Variants in ENOX1 observed in about 807,000 individuals in gnomAD.
The protein encoded by ENOX1 is candidate growth-related and time keeping constitutive hydroquinone (NADH) oxidase.
A neutral mutation model predicts 82.5 loss-of-function variants in ENOX1; 42 were observed. The ratio of observed to expected loss-of-function variants is 0.51; its 90% CI spans 0.40 to 0.66. The LOEUF is 0.66. ENOX1 is among the 30% of genes least tolerant of loss of function. The probability of loss-of-function intolerance (pLI) is 0.00; values close to 1 mark genes in which losing one functional copy is unlikely to be tolerated. For missense variants in ENOX1, 608 were observed against 811.6 expected, an observed-to-expected ratio of 0.75 and a Z score of 3.05; for synonymous variants, 271 against 282.2, an observed-to-expected ratio of 0.96 and a Z score of 0.40.
At chr13:43,706,985 C>A (rs1199364504) in intron 1 of ENOX1, among the ~76,000 whole-genome samples, 1 of 151,952 alleles carries the variant, frequency 6.6e-6, no homozygotes, top group Admixed American at 6.6e-5. Context: ...CCGACCCAGA[C>A]AACATGGTTG....
intron 1 of ENOX1, among the ~76,000 whole-genome samples, chr13:43,697,994 A>G (rs1449387234): frequency 6.6e-6 from 1 of 152,186 alleles, no homozygotes. Context: ...GTACATTCAC[A>G]TTTGGCAGGG....
chr13:43,745,605 C>T (rs1486711126), intron 1 of ENOX1, among the ~76,000 whole-genome samples: 1 of 152,150 alleles, frequency 6.6e-6, no homozygotes, highest in African/African-American at 2.4e-5. Context: ...AAATATCCAT[C>T]TATAGATAAC....
At chr13:43,232,213 C>T (rs1376596493) in intron 15 of ENOX1, among the ~76,000 whole-genome samples, 1 of 149,338 alleles carries the variant, frequency 6.7e-6, no homozygotes, top group South Asian at 2.1e-4. Context: ...GGATTATAGG[C>T]GTGAGCCACC....
chr13:43,586,408 A>G (rs1278312599), intron 2 of ENOX1, among the ~76,000 whole-genome samples: 1 of 152,220 alleles, frequency 6.6e-6, no homozygotes, highest in African/African-American at 2.4e-5. Flanking sequence ...TGGTGCTTCA[A>G]CATGACTCTG....
intron 1 of ENOX1, among the ~76,000 whole-genome samples, chr13:43,685,957 C>A (rs1307031399): frequency 6.6e-6 from 1 of 151,230 alleles, no homozygotes; most frequent in East Asian, 1.9e-4. Context: ...TATGTGAAGT[C>A]TTGGCCAACA....
At chr13:43,288,252 AG>A (rs1485269271) in intron 12 of ENOX1, among the ~76,000 whole-genome samples, 1 of 152,204 alleles carries the variant, frequency 6.6e-6, no homozygotes, top group African/African-American at 2.4e-5. Flanking sequence ...GTAATCTGAG[AG>A]ATGTACATGT....
rs189231427 is a variant in ENOX1, at chr13:43,702,232, A to G, written c.-284-34688T>C. On this transcript the variant is annotated intron_variant, in intron 1 of 16. Coordinates refer to ENST00000690772, the MANE Select transcript of ENOX1 (RefSeq NM_001347969.2). ...TACTCTCATTTTGATCATCATACAA[A>G]TTGACTGAATGCAGAAATATCTTGT... Among the ~76,000 whole-genome samples, 313 of 152,364 alleles carry G rather than the reference A, an allele frequency of 2.1e-3. 1 individual carries two copies. Among genetic ancestry groups the G allele is most frequent in the Non-Finnish European group, 3.8e-3 (257 of 68,034 alleles).
intron 9 of ENOX1, among the ~76,000 whole-genome samples, chr13:43,340,955 T>C (rs1023930271): frequency 2.0e-5 from 3 of 152,180 alleles, no homozygotes; most frequent in Non-Finnish European, 4.4e-5. Context: ...AAAGCAGACA[T>C]ATCATGAAAT....
At chr13:43,744,198 C>T (rs1304191909) in intron 1 of ENOX1, among the ~76,000 whole-genome samples, 1 of 152,088 alleles carries the variant, frequency 6.6e-6, no homozygotes, top group Non-Finnish European at 1.5e-5. Flanking sequence ...ACAGGAATGG[C>T]ATTAGTTAAT....
At chr13:43,457,652 C>T (rs942403291) in intron 3 of ENOX1, among the ~76,000 whole-genome samples, 4 of 152,114 alleles carry the variant, frequency 2.6e-5, no homozygotes, top group Non-Finnish European at 4.4e-5. Context: ...AGATAAATTT[C>T]GGAAAATCAT....
chr13:43,730,214 G>T (rs2089258913), intron 1 of ENOX1, among the ~76,000 whole-genome samples: 1 of 152,174 alleles, frequency 6.6e-6, no homozygotes. Context: ...GAGGAGCAAA[G>T]AAAATAAAGG....
At chr13:43,296,736 C>T (rs1026151818) in intron 12 of ENOX1, among the ~76,000 whole-genome samples, 2 of 152,140 alleles carry the variant, frequency 1.3e-5, no homozygotes, top group African/African-American at 2.4e-5. Flanking sequence ...AGCTCACCCT[C>T]GCCTCCTCTG....
chr13:43,603,380 TATTTATTTA>T (rs1232202858), intron 2 of ENOX1, among the ~76,000 whole-genome samples: 13 of 151,218 alleles, frequency 8.6e-5, no homozygotes, highest in South Asian at 4.2e-4. Flanking sequence ...TTATTTTATT[TATTTATTTA>T]TTTTATTATT....
At chr13:43,748,643 G>T (rs1950153456) in intron 1 of ENOX1, among the ~76,000 whole-genome samples, 1 of 152,090 alleles carries the variant, frequency 6.6e-6, no homozygotes. Context: ...TCTACAAAAT[G>T]TTGAAAATAC....
intron 3 of ENOX1, among the ~76,000 whole-genome samples, chr13:43,477,997 T>C (rs1302648472): frequency 6.6e-6 from 1 of 151,672 alleles, no homozygotes; most frequent in Non-Finnish European, 1.5e-5. Flanking sequence ...CCTACTAACA[T>C]TTTATTAATT....
intron 3 of ENOX1, among the ~76,000 whole-genome samples, chr13:43,440,784 A>C (rs1401450421): frequency 6.6e-6 from 1 of 152,196 alleles, no homozygotes; most frequent in East Asian, 1.9e-4. Flanking sequence ...AAAAATACTA[A>C]ATATGAACCT....
chr13:43,439,227 AT>A (rs201543015), intron 3 of ENOX1, among the ~76,000 whole-genome samples: 1,477 of 127,698 alleles, frequency 0.012, 19 homozygotes, highest in African/African-American at 0.04. Context: ...ATTTTTTTGT[AT>A]TTTTTTTTTC....
At chr13:43,508,806 T>C (rs970827505) in intron 2 of ENOX1, among the ~76,000 whole-genome samples, 31 of 152,124 alleles carry the variant, frequency 2.0e-4, no homozygotes, top group Admixed American at 1.4e-3. Context: ...AATATAAACA[T>C]AGAAACAGCT....
chr13:43,320,833 T>G (rs561314125), intron 11 of ENOX1, among the ~76,000 whole-genome samples: 81 of 152,356 alleles, frequency 5.3e-4, no homozygotes, highest in South Asian at 3.3e-3. Flanking sequence ...GTTTATTTCT[T>G]TATTTGAAGA....
Sources: gnomAD v4.1 joint callset for allele counts (sites outside exome capture counted in the v4.1 genomes callset) on GRCh38, gnomAD v4.1.1 for gene constraint, MANE v1.5 for transcripts, NCBI Gene and HGNC (gene_info 2026-07-23, HGNC 2026-07-21) for gene names.